CEP78: variants seen among roughly 807,000 people sequenced by gnomAD.
The protein encoded by CEP78 is centrosomal protein of 78 kDa.
Under a neutral mutation model 81.2 loss-of-function variants are expected in CEP78, and 76 were observed. The observed-to-expected ratio is 0.94, with a 90% CI of 0.78 to 1.13. CEP78 has a LOEUF of 1.13. Ranked by LOEUF, CEP78 falls within the 50% of genes most tolerant of loss-of-function variation. CEP78 has a pLI of 0.00. For synonymous variants in CEP78, 293 were observed against 301.4 expected (o/e 0.97, Z 0.29); for missense variants, 918 against 846.8 (o/e 1.08, Z -1.04).
Position 78,264,258 on chromosome 9 carries a change from AGC to A in CEP78, c.1568_1569del (p.Ser523AsnfsTer2). 1 of 1,612,776 alleles carries A rather than the reference AGC, an allele frequency of 6.2e-7. No individual in the cohort carries two copies. Among genetic ancestry groups the A allele is most frequent in the South Asian group, 1.1e-5 (1 of 91,034 alleles). ...MILDDEGVLG[S>X]IENSFQKFHA... ...CCTGGATGATGAAGGTGTTTTGGGC[AGC>A]ATTGAGAATTCTTTTCAGAAGTTTC... On this transcript the variant is annotated frameshift_variant, in exon 13 of 17. Transcript: ENST00000643273. LOFTEE classifies it high-confidence loss of function.
Position 78,258,159 on chromosome 9 carries a change from A to G in CEP78, c.1380+3195A>G, listed in dbSNP as rs1390240521. The stretch of plus-strand genomic sequence containing the variant: ...ATTAATTCATTTGATCCTCAGAATA[A>G]CCTGTGGTAGGTGTTACTATTAGTC... On this transcript the variant is annotated intron_variant, in intron 11 of 16. Coordinates refer to ENST00000643273, the MANE Select transcript of CEP78 (RefSeq NM_001330691.3). Among the ~76,000 whole-genome samples the G allele has an allele frequency of 2.0e-5, 3 of 152,200 alleles. No homozygotes were observed. The East Asian group carries it at 5.8e-4, about 29-fold the overall frequency.
At position 78,248,370 on chromosome 9, in the gene CEP78, A is replaced by G; in HGVS notation, c.957+15A>G. ...CCAAATCAGAGGTATATCATGTTTT[A>G]TTTCTCCAGAAAGAATTCTTATTTA... On this transcript the variant is annotated intron_variant, in intron 7 of 16. Coordinates refer to ENST00000643273, the MANE Select transcript of CEP78 (RefSeq NM_001330691.3). The G allele has an allele frequency of 6.6e-7, 1 of 1,511,470 alleles. No homozygotes were observed. The highest frequency in any genetic ancestry group is 9.2e-7 in the Non-Finnish European group (1 of 1,087,364). 93.6% of individuals were successfully genotyped at this position (1,511,470 alleles called of 1,614,324 possible).
intron 11 of CEP78, among the ~76,000 whole-genome samples, chr9:78,262,699 A>T (rs1334901115): frequency 6.6e-6 from 1 of 152,040 alleles, no homozygotes; most frequent in African/African-American, 2.4e-5. Context: ...GAAAGAGTGG[A>T]AATAAATCTG....
rs765761245 is a variant in CEP78 at position 78,251,906 on chromosome 9, A to G, written c.1070-2A>G. 4.4e-6 allele frequency: 7 copies of G among 1,603,592 alleles called. No individual in the cohort carries two copies. Among genetic ancestry groups the G allele is most frequent in the Admixed American group, 1.7e-5 (1 of 59,630 alleles). On this transcript the variant is annotated splice_acceptor_variant, in intron 8 of 16. Coordinates refer to ENST00000643273, the MANE Select transcript of CEP78 (RefSeq NM_001330691.3). LOFTEE classifies it high-confidence loss of function. ...TCTTTCTTTTTAACACTTCTCAAGT[A>G]GGATTGGCTACAAAGAAACCTGTAA...
At chr9:78,240,479 C>G in intron 3 of CEP78, 115 bp downstream of exon 3, 1 of 867,042 alleles carries the variant, frequency 1.2e-6, no homozygotes. Flanking sequence ...TATGCTTGTT[C>G]AAACCTTGGT....
At chr9:78,256,524 ATTTTTTTTTTT>A (rs35059009) in intron 11 of CEP78, among the ~76,000 whole-genome samples, 77 of 76,680 alleles carry the variant, frequency 1.0e-3, no homozygotes, top group African/African-American at 3.8e-3. Context: ...CTGCTCCCTT[ATTTTTTTTTTT>A]TTTTTTTTTT....
chr9:78,255,011 C>T, intron 11 of CEP78, 47 bp downstream of exon 11: 1 of 1,543,360 alleles, frequency 6.5e-7, no homozygotes, highest in South Asian at 1.2e-5. Context: ...ATTTCAAACT[C>T]TAGTTAGTTT....
rs779449160 is a variant in CEP78, at chr9:78,266,590, T to C, written c.1994T>C (p.Ile665Thr). Residue 665 changes from isoleucine (I) to threonine (T), a missense_variant, in exon 16 of 17, where the codon ATT (isoleucine) becomes ACT (threonine). Ile to Thr is a moderately conservative substitution (Grantham distance 89). Coordinates refer to ENST00000643273, the MANE Select transcript of CEP78 (RefSeq NM_001330691.3). ...CGGCAGGAGTCTTTTGAAGGATTCA[T>C]TGCTAGAATGTGTTCTCCTTCACCA... ...EQRQESFEGF[I>T]ARMCSPSPDA... The C allele has an allele frequency of 1.2e-6, 2 of 1,613,632 alleles. No individual in the cohort carries two copies. Among genetic ancestry groups the C allele is most frequent in the Admixed American group, 1.7e-5 (1 of 59,958 alleles).
In CEP78 at chr9:78,240,140, A is replaced by G. The variant is rs199934742; in HGVS notation, c.371A>G (p.Asn124Ser). 14 of 1,591,574 alleles carry G rather than the reference A, an allele frequency of 8.8e-6. No individual in the cohort carries two copies. The African/African-American group carries it at 1.5e-4, about 17-fold the overall frequency. Residue 124 changes from asparagine (N) to serine (S), a missense_variant, in exon 2 of 17, where the codon AAC (asparagine) becomes AGC (serine). By Grantham distance (46) the Asn-to-Ser change is conservative. Coordinates refer to ENST00000643273, the MANE Select transcript of CEP78 (RefSeq NM_001330691.3). ...TTAAGTATATCAAGTGTGCTAAAGA[A>G]CCTGGAGCTAAATGGACTAATTCTG... is the stretch of plus-strand genomic sequence containing the variant. ...GCLSISSVLK[N>S]LELNGLILRE...
At chr9:78,265,996 G>A (rs148570326) in intron 15 of CEP78, 90 bp downstream of exon 15, 14 of 693,932 alleles carry the variant, frequency 2.0e-5, no homozygotes, top group Non-Finnish European at 5.2e-6. Flanking sequence ...TATGGGAATG[G>A]GAGGGGCAAA....
chr9:78,260,264 TC>T (rs1827213294), intron 11 of CEP78, among the ~76,000 whole-genome samples: 1 of 152,232 alleles, frequency 6.6e-6, no homozygotes, highest in South Asian at 2.1e-4. Context: ...AGAAAATTAT[TC>T]TAAATATGGG....
rs1292846034 is a variant in CEP78, at chr9:78,251,850, A to G, written c.1070-58A>G. Reference sequence around the variant, plus strand: ...CTTTTAAGAGTATGCACATGTGCCTATTCATCTGTAGACCTTTAGTGCATC... The same window carrying G: ...CTTTTAAGAGTATGCACATGTGCCTGTTCATCTGTAGACCTTTAGTGCATC... On this transcript the variant is annotated intron_variant, in intron 8 of 16. Transcript: ENST00000643273. 1.5e-5 allele frequency: 22 copies of G among 1,494,610 alleles called. No individual in the cohort carries two copies. The East Asian group carries it at 2.3e-4, about 16-fold the overall frequency. 92.6% of individuals were successfully genotyped at this position (1,494,610 alleles called of 1,614,324 possible).
At chr9:78,244,802 G>GT (rs1563980875) in intron 5 of CEP78, among the ~76,000 whole-genome samples, 1 of 152,120 alleles carries the variant, frequency 6.6e-6, no homozygotes, top group East Asian at 1.9e-4. Flanking sequence ...GCTATTTCCA[G>GT]TTTTTCATTG....
intron 5 of CEP78, among the ~76,000 whole-genome samples, chr9:78,244,855 A>G (rs1050386120): frequency 6.6e-6 from 1 of 152,176 alleles, no homozygotes; most frequent in Non-Finnish European, 1.5e-5. Context: ...CGTGTCTCTT[A>G]TAATTTCCTT....
intron 5 of CEP78, among the ~76,000 whole-genome samples, chr9:78,244,506 T>C (rs749569752): frequency 2.6e-4 from 39 of 152,254 alleles, no homozygotes; most frequent in Non-Finnish European, 4.6e-4. Flanking sequence ...TTGATGCATG[T>C]CACCAAATTG....
Position 78,243,473 on chromosome 9 carries a change from G to A in CEP78, c.615G>A (p.Met205Ile). 1 of 1,612,728 alleles carries A rather than the reference G, an allele frequency of 6.2e-7. No individual in the cohort carries two copies. The highest frequency in any genetic ancestry group is 1.1e-5 in the South Asian group (1 of 90,784). The change falls in exon 5 of 17, where the codon ATG (methionine) becomes ATA (isoleucine). Residue 205 changes from methionine (M) to isoleucine (I), a missense_variant. Coordinates refer to ENST00000643273, the MANE Select transcript of CEP78 (RefSeq NM_001330691.3). The part of the protein sequence containing the change: ...HMAKILKYQT[M>I]RRHEETWAES... Reference sequence around the variant, plus strand: ...TTAAATCTTTGAAGTATCAGACCATGAGAAGGCATGAAGAAACCTGGGCTG... The same window carrying A: ...TTAAATCTTTGAAGTATCAGACCATAAGAAGGCATGAAGAAACCTGGGCTG...
intron 1 of CEP78, among the ~76,000 whole-genome samples, chr9:78,236,967 G>GTTTTTTTT (rs1825974556): frequency 9.2e-5 from 5 of 54,486 alleles, no homozygotes; most frequent in African/African-American, 2.2e-4. Context: ...GTCAGCCTTT[G>GTTTTTTTT]TCTTTTTTTT....
At chr9:78,248,937 C>T in intron 8 of CEP78, 64 bp downstream of exon 8, 1 of 759,134 alleles carries the variant, frequency 1.3e-6, no homozygotes, top group Non-Finnish European at 2.1e-6. Context: ...ATTAAAATCT[C>T]TTCTCATTGT....
At chr9:78,262,535 C>T (rs144541455) in intron 11 of CEP78, among the ~76,000 whole-genome samples, 1 of 152,098 alleles carries the variant, frequency 6.6e-6, no homozygotes, top group Non-Finnish European at 1.5e-5. Flanking sequence ...TTTGCTGTTA[C>T]ATAATTCAGG....
Sources: gnomAD v4.1 joint callset for allele counts (sites outside exome capture counted in the v4.1 genomes callset) on GRCh38, gnomAD v4.1.1 for gene constraint, MANE v1.5 for transcripts, NCBI Gene and HGNC (gene_info 2026-07-23, HGNC 2026-07-21) for gene names.